CYSTM1: variants seen among roughly 807,000 people sequenced by gnomAD.
The protein encoded by CYSTM1 is cysteine rich transmembrane module containing 1, also known as cysteine-rich transmembrane module-containing protein 1.
CYSTM1 carries 4 observed loss-of-function variants against 13.1 expected under a neutral mutation model. That is an observed-to-expected ratio of 0.31 (90% confidence interval 0.15 to 0.70). The LOEUF (loss-of-function observed/expected upper bound fraction) is 0.70, where lower values mean the gene tolerates loss of function less well. CYSTM1 is among the 30% of genes least tolerant of loss of function. The pLI is 0.72. For missense variants in CYSTM1, 96 were observed against 121.6 expected (o/e 0.79, Z 0.99); for synonymous variants, 36 against 42.7 (o/e 0.84, Z 0.62).
Position 140,194,886 on chromosome 5 carries a change from G to A in CYSTM1, c.187+234G>A, listed in dbSNP as rs112621475. Among the ~76,000 whole-genome samples the A allele has an allele frequency of 5.7e-3, 866 of 152,294 alleles. 7 individuals carry two copies. The highest frequency in any genetic ancestry group is 9.9e-3 in the Non-Finnish European group (674 of 68,018). ...TGGGGCTGATGACTTCCTGGCCAACGTGTTTTCTGAGGGCTACCCTCTAGA... is the reference window on the plus strand; with the variant it reads ...TGGGGCTGATGACTTCCTGGCCAACATGTTTTCTGAGGGCTACCCTCTAGA... On this transcript the variant is annotated intron_variant, in intron 2 of 2. Coordinates refer to ENST00000261811, the MANE Select transcript of CYSTM1 (RefSeq NM_032412.4).
At chr5:140,208,129 A>C (rs1447357947) in intron 2 of CYSTM1, among the ~76,000 whole-genome samples, 1 of 152,236 alleles carries the variant, frequency 6.6e-6, no homozygotes, top group Non-Finnish European at 1.5e-5. Context: ...TATCAAAGAG[A>C]TACCTGCACT....
chr5:140,227,690 C>G (rs1284942422), intron 2 of CYSTM1, among the ~76,000 whole-genome samples: 1 of 152,032 alleles, frequency 6.6e-6, no homozygotes, highest in Non-Finnish European at 1.5e-5. Flanking sequence ...TGCCCACTGC[C>G]CCTAAAGCCC....
intron 2 of CYSTM1, among the ~76,000 whole-genome samples, chr5:140,231,011 G>C (rs1289267772): frequency 6.6e-6 from 1 of 152,090 alleles, no homozygotes; most frequent in African/African-American, 2.4e-5. Flanking sequence ...ACCATGTTTG[G>C]CTTTGATTGG....
intron 1 of CYSTM1, among the ~76,000 whole-genome samples, chr5:140,180,106 G>A (rs572126534): frequency 1.3e-5 from 2 of 152,282 alleles, no homozygotes; most frequent in South Asian, 4.1e-4. Flanking sequence ...ATCAGAAAGT[G>A]TCACAGCCCT....
chr5:140,219,635 A>C lies in CYSTM1; in HGVS notation c.188-23670A>C, dbSNP rs190625694. On this transcript the variant is annotated intron_variant, in intron 2 of 2. Transcript: ENST00000261811. This position sits in a 1 kb window ranked among gnomAD's most constrained non-coding sequence, Gnocchi z 4.1. ...AAACAACCTGCGGTGCTTTGCATAA[A>C]TATATCTCCTGGAGCTGTTAATCAG... 7.2e-4 allele frequency among the ~76,000 whole-genome samples: 110 copies of C among 152,334 alleles called. No homozygotes were observed. In the Middle Eastern group the frequency reaches 0.02, roughly 28 times the overall value.
At chr5:140,204,244 G>A (rs984543781) in intron 2 of CYSTM1, among the ~76,000 whole-genome samples, 7 of 152,058 alleles carry the variant, frequency 4.6e-5, no homozygotes, top group Admixed American at 6.6e-5. Flanking sequence ...GTGGTAGTGC[G>A]TGCCTGTAGT....
At position 140,208,517 on chromosome 5, in the gene CYSTM1, A is replaced by G. The variant is rs188322705; in HGVS notation, c.187+13865A>G. ...AGAATGAATGAGTCTGGTATTTGCT[A>G]GCACAACAGAGTGACTATAGTCAGT... On this transcript the variant is annotated intron_variant, in intron 2 of 2. Transcript: ENST00000261811. Among the ~76,000 whole-genome samples, 15 of 152,342 alleles carry G rather than the reference A, an allele frequency of 9.8e-5. No homozygotes were observed. The East Asian group carries it at 2.3e-3, about 23-fold the overall frequency.
chr5:140,212,735 AGT>A (rs1033384193), intron 2 of CYSTM1, among the ~76,000 whole-genome samples: 1 of 152,016 alleles, frequency 6.6e-6, no homozygotes, highest in Non-Finnish European at 1.5e-5. Flanking sequence ...GGGAGGCCAG[AGT>A]GAGTGGACTG....
chr5:140,204,632 A>C (rs1764274632), intron 2 of CYSTM1, among the ~76,000 whole-genome samples: 1 of 152,202 alleles, frequency 6.6e-6, no homozygotes, highest in South Asian at 2.1e-4. Flanking sequence ...GCTGGATTCA[A>C]ATCTCATTAA....
At chr5:140,183,819 G>A (rs1763986569) in intron 1 of CYSTM1, among the ~76,000 whole-genome samples, 1 of 152,184 alleles carries the variant, frequency 6.6e-6, no homozygotes, top group South Asian at 2.1e-4. Flanking sequence ...TGGAGAAGGA[G>A]CCCTTGGGTG....
intron 2 of CYSTM1, among the ~76,000 whole-genome samples, chr5:140,211,109 AAAT>A (rs770211109): frequency 1.3e-5 from 2 of 152,238 alleles, no homozygotes; most frequent in Non-Finnish European, 2.9e-5. Context: ...ATTAATTATT[AAAT>A]AATAAATACT....
At chr5:140,199,775 C>T (rs1045440407) in intron 2 of CYSTM1, among the ~76,000 whole-genome samples, 9 of 152,222 alleles carry the variant, frequency 5.9e-5, no homozygotes, top group Non-Finnish European at 1.0e-4. Flanking sequence ...GCGTGAGCCA[C>T]GGTGCCCAGC....
chr5:140,202,187 C>T (rs1372240284), intron 2 of CYSTM1: 3 of 152,128 alleles, frequency 2.0e-5, no homozygotes, highest in Non-Finnish European at 4.4e-5. Context: ...TCACCCTCCT[C>T]GGCCTCCTAA....
chr5:140,176,832 G>A (rs1763891383), intron 1 of CYSTM1, among the ~76,000 whole-genome samples: 1 of 152,112 alleles, frequency 6.6e-6, no homozygotes. Flanking sequence ...CACTTTGGGA[G>A]GCCGAGGCGG....
intron 2 of CYSTM1, among the ~76,000 whole-genome samples, chr5:140,216,513 G>T (rs1420374731): frequency 6.6e-6 from 1 of 152,136 alleles, no homozygotes; most frequent in South Asian, 2.1e-4. Flanking sequence ...GCAGATCATC[G>T]CAGTGTTTGA....
intron 2 of CYSTM1, among the ~76,000 whole-genome samples, chr5:140,210,250 G>A (rs555293210): frequency 7.2e-5 from 11 of 152,048 alleles, no homozygotes; most frequent in African/African-American, 1.7e-4. Flanking sequence ...TTTGTCATAC[G>A]CAACTTTTCT....
At chr5:140,191,517 G>A (rs1764095479) in intron 1 of CYSTM1, among the ~76,000 whole-genome samples, 1 of 152,168 alleles carries the variant, frequency 6.6e-6, no homozygotes, top group African/African-American at 2.4e-5. Context: ...AGGATAATGA[G>A]GAATAAATGC....
chr5:140,190,725 G>C (rs982169163), intron 1 of CYSTM1, among the ~76,000 whole-genome samples: 3 of 152,126 alleles, frequency 2.0e-5, no homozygotes, highest in African/African-American at 7.2e-5. Context: ...TGCTAATCCC[G>C]TGACTCTGAG....
At chr5:140,201,359 A>G (rs1764222914) in intron 2 of CYSTM1, 1 of 152,168 alleles carries the variant, frequency 6.6e-6, no homozygotes, top group South Asian at 2.1e-4. Flanking sequence ...CCAGAATATT[A>G]TCATCTAGGT....
Sources: allele counts gnomAD v4.1 joint callset (sites outside exome capture counted in the v4.1 genomes callset), GRCh38; gene constraint gnomAD v4.1.1; non-coding constraint Gnocchi (gnomAD v3.1); transcripts MANE v1.5; gene names NCBI Gene and HGNC (gene_info 2026-07-23, HGNC 2026-07-21).